TVP23A: variants seen among roughly 807,000 people sequenced by gnomAD.
TVP23A encodes trans-golgi network vesicle protein 23 homolog A.
Under a neutral mutation model 31.7 loss-of-function variants are expected in TVP23A, and 21 were observed. The observed-to-expected ratio is 0.66, with a 90% CI of 0.47 to 0.95. The LOEUF (loss-of-function observed/expected upper bound fraction) is 0.95, where lower values mean the gene tolerates loss of function less well. Among genes scored for constraint, TVP23A ranks in the 40% least tolerant of loss-of-function variants. TVP23A has a pLI of 0.00. For synonymous variants in TVP23A, 104 were observed against 96.0 expected, an observed-to-expected ratio of 1.08 and a Z score of -0.49; for missense variants, 279 against 255.6, an observed-to-expected ratio of 1.09 and a Z score of -0.62.
At position 10,818,702 on chromosome 16, in the gene TVP23A, G is replaced by A; in HGVS notation, c.-209C>T. ...TAAGGCGCAGTCGCAGGCTGGGGAGGGGGCTCGGCTCGCCGGGGACGCGCC... is the reference window on the plus strand; with the variant it reads ...TAAGGCGCAGTCGCAGGCTGGGGAGAGGGCTCGGCTCGCCGGGGACGCGCC... On this transcript the variant is annotated 5_prime_UTR_variant, in exon 1 of 8. Transcript: ENST00000299866. The surrounding 1 kb of genome is among the most constrained non-coding windows in gnomAD (Gnocchi z 4.7). 1 of 548,652 alleles carries A rather than the reference G, an allele frequency of 1.8e-6. No homozygotes were observed. Among genetic ancestry groups the A allele is most frequent in the Non-Finnish European group, 3.0e-6 (1 of 330,660 alleles). 34.0% of individuals were successfully genotyped at this position (548,652 alleles called of 1,614,324 possible).
chr16:10,804,536 C>T (rs953792532), intron 2 of TVP23A, among the ~76,000 whole-genome samples: 2 of 152,158 alleles, frequency 1.3e-5, no homozygotes, highest in African/African-American at 4.8e-5. Flanking sequence ...TTGCCTGAGG[C>T]CAGGAGTCTG....
intron 2 of TVP23A, among the ~76,000 whole-genome samples, chr16:10,787,345 A>G (rs1288921717): frequency 4.6e-5 from 7 of 152,226 alleles, no homozygotes; most frequent in Non-Finnish European, 7.3e-5. Context: ...CCAGCTGCAG[A>G]CAAGCAAGCT....
In TVP23A at chr16:10,773,357, C is replaced by A. The variant is rs774722019; in HGVS notation, c.409G>T (p.Val137Leu). Reference sequence around the variant, plus strand: ...GAAAATAAGGTGCTAAAAAAAAACACAATCCATATCATGGGGCAGATTATG... The same window carrying A: ...GAAAATAAGGTGCTAAAAAAAAACAAAATCCATATCATGGGGCAGATTATG... The part of the protein sequence containing the change: ...GLIICPMIWI[V>L]FFFSTLFSLK... Residue 137 changes from valine (V) to leucine (L), a missense_variant, in exon 5 of 8, where the codon GTG becomes TTG. Coordinates refer to ENST00000299866, the MANE Select transcript of TVP23A (RefSeq NM_001079512.4). The A allele has an allele frequency of 3.7e-6, 6 of 1,610,508 alleles. No homozygotes were observed. The African/African-American group carries it at 8.0e-5, about 22-fold the overall frequency.
chr16:10,806,059 C>T (rs1240361505), intron 2 of TVP23A, among the ~76,000 whole-genome samples: 5 of 152,104 alleles, frequency 3.3e-5, no homozygotes, highest in African/African-American at 9.7e-5. Context: ...ATTAAATATT[C>T]GGCCGGATGC....
intron 2 of TVP23A, among the ~76,000 whole-genome samples, chr16:10,780,966 T>C (rs543065882): frequency 1.2e-3 from 185 of 152,294 alleles, no homozygotes; most frequent in African/African-American, 4.2e-3. Flanking sequence ...ACCTTCATCA[T>C]GTTCAACTTG....
At chr16:10,794,183 A>G (rs1044386943) in intron 2 of TVP23A, among the ~76,000 whole-genome samples, 1 of 152,186 alleles carries the variant, frequency 6.6e-6, no homozygotes, top group African/African-American at 2.4e-5. Context: ...ATCATCACTT[A>G]AAGGTCCCAG....
intron 2 of TVP23A, among the ~76,000 whole-genome samples, chr16:10,796,534 A>G (rs1443029914): frequency 6.6e-6 from 1 of 151,956 alleles, no homozygotes; most frequent in Non-Finnish European, 1.5e-5. Flanking sequence ...CCGGGTTCAC[A>G]CCATTCTCCT....
chr16:10,784,433 C>A (rs147429205), intron 2 of TVP23A, among the ~76,000 whole-genome samples: 1 of 150,832 alleles, frequency 6.6e-6, no homozygotes, highest in Non-Finnish European at 1.5e-5. Flanking sequence ...TGGTGGCACA[C>A]GCCTACAGTC....
intron 2 of TVP23A, among the ~76,000 whole-genome samples, chr16:10,786,255 G>C (rs1419180697): frequency 6.6e-6 from 1 of 152,018 alleles, no homozygotes; most frequent in Non-Finnish European, 1.5e-5. Flanking sequence ...TCCTAAATTC[G>C]GCAGTGATCT....
At position 10,768,308 on chromosome 16, in the gene TVP23A, TAA is replaced by T. The variant is rs35848081; in HGVS notation, c.*792_*793del. The T allele has an allele frequency of 1.8e-3, 322 of 175,366 alleles. No homozygotes were observed. Among genetic ancestry groups the T allele is most frequent in the South Asian group, 6.9e-3 (54 of 7,848 alleles). 10.9% of individuals were successfully genotyped at this position (175,366 alleles called of 1,614,324 possible). The stretch of plus-strand genomic sequence containing the variant: ...GTAATTCATTTTTAAAAGTAACTGA[TAA>T]AAAAAAAAAAGGCCAGGTGCAGTGG... On this transcript the variant is annotated 3_prime_UTR_variant, in exon 8 of 8. Coordinates refer to ENST00000299866, the MANE Select transcript of TVP23A (RefSeq NM_001079512.4). The surrounding 1 kb of genome is among the most constrained non-coding windows in gnomAD (Gnocchi z 4.3).
downstream of TVP23A, among the ~76,000 whole-genome samples, chr16:10,760,003 G>A (rs1900833135): frequency 6.6e-6 from 1 of 152,172 alleles, no homozygotes; most frequent in South Asian, 2.1e-4. Flanking sequence ...TTGGGTACAG[G>A]GATCTGTGAT....
chr16:10,789,788 G>A (rs2032991715), intron 2 of TVP23A, among the ~76,000 whole-genome samples: 1 of 148,704 alleles, frequency 6.7e-6, no homozygotes, highest in Admixed American at 6.7e-5. Flanking sequence ...CTAAGATTGT[G>A]CCACTGCACT....
At chr16:10,762,519 C>G (rs1439933766), downstream of TVP23A, among the ~76,000 whole-genome samples, 1 of 152,238 alleles carries the variant, frequency 6.6e-6, no homozygotes, top group Non-Finnish European at 1.5e-5. Context: ...GAAGCTGCTC[C>G]CCCAGGAGGC....
downstream of TVP23A, chr16:10,763,873 GA>G: frequency 6.0e-6 from 1 of 166,962 alleles, no homozygotes; most frequent in Non-Finnish European, 1.3e-5. Context: ...TCAGCCCCTG[GA>G]AGCATCTCAG....
intron 2 of TVP23A, among the ~76,000 whole-genome samples, chr16:10,776,024 C>G (rs376013104): frequency 7.5e-4 from 114 of 151,486 alleles, no homozygotes; most frequent in African/African-American, 2.6e-3. Flanking sequence ...GCTGGGATTA[C>G]AGGCATAAGC....
chr16:10,789,665 TAA>T (rs969812242), intron 2 of TVP23A, among the ~76,000 whole-genome samples: 6 of 55,394 alleles, frequency 1.1e-4, no homozygotes, highest in Non-Finnish European at 1.0e-4. Context: ...CCATCTCTAC[TAA>T]AAAAAAAAAA....
At chr16:10,795,184 A>C (rs2033317710) in intron 2 of TVP23A, among the ~76,000 whole-genome samples, 1 of 151,846 alleles carries the variant, frequency 6.6e-6, no homozygotes, top group Non-Finnish European at 1.5e-5. Context: ...AGAGGCTCCC[A>C]CTGGCCAACA....
At chr16:10,762,251 C>T (rs938523171), downstream of TVP23A, 4 of 169,876 alleles carry the variant, frequency 2.4e-5, no homozygotes, top group Non-Finnish European at 3.8e-5. Context: ...CCTCCTGTGC[C>T]CGGAGAAGCC....
Position 10,777,211 on chromosome 16 carries a change from C to G in TVP23A, c.90-2115G>C, listed in dbSNP as rs926238138. 4.6e-5 allele frequency among the ~76,000 whole-genome samples: 7 copies of G among 152,150 alleles called. No individual in the cohort carries two copies. Among genetic ancestry groups the G allele is most frequent in the Non-Finnish European group, 7.4e-5 (5 of 68,016 alleles). On this transcript the variant is annotated intron_variant, in intron 2 of 7. Coordinates refer to ENST00000299866, the MANE Select transcript of TVP23A (RefSeq NM_001079512.4). The surrounding 1 kb of genome is among the most constrained non-coding windows in gnomAD (Gnocchi z 4.5). Reference sequence around the variant, plus strand: ...GGATGAAAGGGACTCTTCCCAGCACCAGGCAGCTGTGCAAACCAGACCCAG... The same window carrying G: ...GGATGAAAGGGACTCTTCCCAGCACGAGGCAGCTGTGCAAACCAGACCCAG...
Sources: allele counts gnomAD v4.1 joint callset (sites outside exome capture counted in the v4.1 genomes callset), GRCh38; gene constraint gnomAD v4.1.1; non-coding constraint Gnocchi (gnomAD v3.1); transcripts MANE v1.5; gene names NCBI Gene and HGNC (gene_info 2026-07-23, HGNC 2026-07-21).